Variants in RASGRF1 observed in about 807,000 individuals in gnomAD.
The protein encoded by RASGRF1 is Ras protein specific guanine nucleotide releasing factor 1.
RASGRF1 carries 40 observed loss-of-function variants against 138.7 expected under a neutral mutation model. That is an observed-to-expected ratio of 0.29 (90% CI 0.22 to 0.38). The LOEUF is 0.38. Ranked by LOEUF, RASGRF1 falls within the 10% of genes least tolerant of loss-of-function variation. The pLI, the probability that RASGRF1 is intolerant of heterozygous loss-of-function variation, is 1.00. For missense variants in RASGRF1, 1,108 were observed against 1,650.4 expected, an observed-to-expected ratio of 0.67 and a Z score of 5.69; for synonymous variants, 614 against 663.2, an observed-to-expected ratio of 0.93 and a Z score of 1.14.
intron 6 of RASGRF1, among the ~76,000 whole-genome samples, chr15:79,034,927 T>C (rs2057197045): frequency 6.6e-6 from 1 of 152,384 alleles, no homozygotes; most frequent in African/African-American, 2.4e-5. Flanking sequence ...GGAAAGTGGA[T>C]AGGAAACTAA....
At chr15:79,077,138 T>C (rs1324888317) in intron 1 of RASGRF1, among the ~76,000 whole-genome samples, 1 of 152,216 alleles carries the variant, frequency 6.6e-6, no homozygotes, top group African/African-American at 2.4e-5. Context: ...AATCTTGTTT[T>C]CATTTTTTGG....
intron 23 of RASGRF1, among the ~76,000 whole-genome samples, chr15:78,983,092 C>T (rs1012469408): frequency 1.3e-5 from 2 of 152,144 alleles, no homozygotes; most frequent in African/African-American, 4.8e-5. Flanking sequence ...AGAAACGTGG[C>T]CATTTTAGAG....
intron 2 of RASGRF1, among the ~76,000 whole-genome samples, chr15:79,062,683 C>T (rs2057623283): frequency 6.6e-6 from 1 of 152,076 alleles, no homozygotes; most frequent in Non-Finnish European, 1.5e-5. Context: ...TACAGGCTTC[C>T]CTACCACCCC....
rs751612604 is a variant in RASGRF1 at position 78,978,912 on chromosome 15, T to TG, written c.3494+1707dup. The TG allele has an allele frequency of 3.3e-5, 41 of 1,260,344 alleles. 1 individual carries two copies. In the South Asian group the frequency reaches 3.7e-4, roughly 11 times the overall value. 78.1% of individuals were successfully genotyped at this position (1,260,344 alleles called of 1,614,324 possible). ...CTGTGCTGCAGGGAGCAGGGGAATGTGGGAGAGACACTTACACGGGCCCAC... is the reference window on the plus strand; with the variant it reads ...CTGTGCTGCAGGGAGCAGGGGAATGTGGGGAGAGACACTTACACGGGCCCAC... On this transcript the variant is annotated intron_variant, in intron 24 of 26. Transcript: ENST00000558480.
chr15:78,980,613 C>G lies in RASGRF1; in HGVS notation c.3494+7G>C. 4 of 1,591,206 alleles carry G rather than the reference C, an allele frequency of 2.5e-6. No homozygotes were observed. Among genetic ancestry groups the G allele is most frequent in the Non-Finnish European group, 3.4e-6 (4 of 1,160,210 alleles). Reference sequence around the variant, plus strand: ...AAAATAACAGCGACAAAACGACACACACTTACTTTTTCAGAGCTTCTCTGA... The same window carrying G: ...AAAATAACAGCGACAAAACGACACAGACTTACTTTTTCAGAGCTTCTCTGA... On this transcript the variant is annotated splice_region_variant and intron_variant, in intron 24 of 26. Transcript: ENST00000558480.
rs374145275 is a variant in RASGRF1, at chr15:79,031,424, T to C, written c.1238A>G (p.Lys413Arg). The change falls in exon 8 of 27, where the codon AAG becomes AGG. Residue 413 changes from lysine (K) to arginine (R), a missense_variant. Physicochemically the swap from Lys to Arg is conservative, Grantham distance 26. Around this residue, in one of 3 missense-constraint regions of RASGRF1, gnomAD observed 169 missense variants for 344.2 expected, o/e 0.49. Coordinates refer to ENST00000558480, the MANE Select transcript of RASGRF1 (RefSeq NM_001145648.3). ...CCTGGACAGCTCCTCCAGTTTGGAC[T>C]TGGCGTAGTCCAGGCTGTTGCGCTC... ...HVERNSLDYAKSKLEELSRIM... is the reference protein window; with the variant it reads ...HVERNSLDYARSKLEELSRIM... The C allele has an allele frequency of 2.5e-6, 4 of 1,611,666 alleles. No homozygotes were observed. The highest frequency in any genetic ancestry group is 3.4e-6 in the Non-Finnish European group (4 of 1,178,752).
intron 19 of RASGRF1, among the ~76,000 whole-genome samples, chr15:78,997,168 G>A (rs914309503): frequency 6.6e-6 from 1 of 152,226 alleles, no homozygotes; most frequent in Non-Finnish European, 1.5e-5. Context: ...CTCAGACATC[G>A]GGCTGCCTGA....
chr15:78,981,400 A>G (rs1424111941), intron 23 of RASGRF1: 16 of 152,178 alleles, frequency 1.1e-4, no homozygotes, highest in African/African-American at 3.9e-4. Context: ...AGGGGTCCTC[A>G]GCTCCCTCAT....
intron 1 of RASGRF1, among the ~76,000 whole-genome samples, chr15:79,081,342 T>A (rs2057911251): frequency 1.3e-5 from 2 of 152,196 alleles, no homozygotes; most frequent in African/African-American, 4.8e-5. Context: ...ACTCCCCAAA[T>A]TCAGGCCTTT....
intron 19 of RASGRF1, among the ~76,000 whole-genome samples, chr15:78,997,383 T>C (rs1294071290): frequency 1.3e-5 from 2 of 152,230 alleles, no homozygotes; most frequent in Admixed American, 1.3e-4. Flanking sequence ...CTGAGGCTGC[T>C]GGGCTCATGT....
chr15:79,048,848 T>C (rs72732661), intron 4 of RASGRF1, among the ~76,000 whole-genome samples: 1 of 152,344 alleles, frequency 6.6e-6, no homozygotes, highest in Non-Finnish European at 1.5e-5. Context: ...CTGTTTTTCT[T>C]AGGGTGAGTC....
chr15:78,962,231 C>T lies in RASGRF1; in HGVS notation c.3687G>A (p.Thr1229=), dbSNP rs921633118. ...AYKIEHQAKV[T]QYLLDQSFVM... is the part of the protein sequence containing the mutation. ...CAAAAGATTGGTCCAGTAAATATTG[C>T]GTTACCTGAGAAAAGAAAAGAGAAA... The change falls in exon 27 of 27, where the codon ACG becomes ACA. Residue 1229 remains threonine (T), a synonymous_variant. Transcript: ENST00000558480. 3 of 1,555,682 alleles carry T rather than the reference C, an allele frequency of 1.9e-6. No homozygotes were observed. Among genetic ancestry groups the T allele is most frequent in the African/African-American group, 2.7e-5 (2 of 73,286 alleles).
chr15:78,980,908 C>T (rs530539301), intron 23 of RASGRF1: 17 of 415,060 alleles, frequency 4.1e-5, no homozygotes, highest in African/African-American at 2.4e-4. Flanking sequence ...TGTGCTCCCA[C>T]ATCTCTCAGA....
rs780385003 is a variant in RASGRF1 at position 78,998,096 on chromosome 15, CTGA to C, written c.2963_2965del (p.Ile988del). On this transcript the variant is annotated inframe_deletion and splice_region_variant, in exon 19 of 27. Transcript: ENST00000558480. ...GCCAGGAACCAGGTACTGCCTTTAC[CTGA>C]TGATGTTGGCTGCAGCCTTCCGCTC... The C allele has an allele frequency of 3.7e-6, 6 of 1,612,404 alleles. No individual in the cohort carries two copies. The highest frequency in any genetic ancestry group is 4.2e-6 in the Non-Finnish European group (5 of 1,178,406).
At position 79,006,736 on chromosome 15, in the gene RASGRF1, G is replaced by A. The variant is rs2056682486; in HGVS notation, c.1827-302C>T. 6.6e-6 allele frequency among the ~76,000 whole-genome samples: 1 copy of A among 152,258 alleles called. No individual in the cohort carries two copies. Among genetic ancestry groups the A allele is most frequent in the Admixed American group, 6.5e-5 (1 of 15,292 alleles). On this transcript the variant is annotated intron_variant, in intron 13 of 26. Coordinates refer to ENST00000558480, the MANE Select transcript of RASGRF1 (RefSeq NM_001145648.3). This position sits in a 1 kb window ranked among gnomAD's most constrained non-coding sequence, Gnocchi z 4.0. ...TTACACAAATGTGTATGTGGATGGG[G>A]TGCAGTGGCTCACGCCTGTAATCCC...
chr15:79,038,099 T>C (rs1452872121), intron 5 of RASGRF1, among the ~76,000 whole-genome samples: 2 of 152,216 alleles, frequency 1.3e-5, no homozygotes, highest in Non-Finnish European at 2.9e-5. Flanking sequence ...CACCTCCTGC[T>C]GTGGGGTCCA....
At chr15:79,015,111 A>T (rs552927577) in intron 13 of RASGRF1, among the ~76,000 whole-genome samples, 21 of 149,856 alleles carry the variant, frequency 1.4e-4, no homozygotes, top group South Asian at 8.4e-4. Flanking sequence ...TAAAAAATTT[A>T]AAAAAAAAAC....
At chr15:78,972,407 T>C (rs889409126) in intron 25 of RASGRF1, among the ~76,000 whole-genome samples, 1 of 151,084 alleles carries the variant, frequency 6.6e-6, no homozygotes, top group Non-Finnish European at 1.5e-5. Flanking sequence ...ATGTTTTTTT[T>C]CTTTTTTTTT....
At chr15:79,083,524 C>G (rs1168042765) in intron 1 of RASGRF1, among the ~76,000 whole-genome samples, 1 of 152,202 alleles carries the variant, frequency 6.6e-6, no homozygotes, top group Non-Finnish European at 1.5e-5. Flanking sequence ...GGTTCCCACC[C>G]AAGCAGAAAC....
Sources: gnomAD v4.1 joint callset for allele counts (sites outside exome capture counted in the v4.1 genomes callset) on GRCh38, gnomAD v4.1.1 for gene constraint, gnomAD v4.1.1 regional missense constraint, Gnocchi (gnomAD v3.1) non-coding constraint, MANE v1.5 for transcripts, NCBI Gene and HGNC (gene_info 2026-07-23, HGNC 2026-07-21) for gene names.